Variants in MAP4K3 observed in about 807,000 individuals in gnomAD.
The protein encoded by MAP4K3 is mitogen-activated protein kinase kinase kinase kinase 3.
Under a neutral mutation model 143.5 loss-of-function variants are expected in MAP4K3, and 94 were observed. That is an observed-to-expected ratio of 0.65 (90% CI 0.55 to 0.78). The LOEUF (loss-of-function observed/expected upper bound fraction) is 0.78. MAP4K3 is among the 30% of genes least tolerant of loss of function. The pLI is 0.00. For missense variants in MAP4K3, 1,077 were observed against 1,068.1 expected, an observed-to-expected ratio of 1.01 and a Z score of -0.12; for synonymous variants, 416 against 347.2, an observed-to-expected ratio of 1.20 and a Z score of -2.20.
intron 1 of MAP4K3, among the ~76,000 whole-genome samples, chr2:39,408,417 C>T (rs1667152099): frequency 6.6e-6 from 1 of 152,038 alleles, no homozygotes; most frequent in East Asian, 1.9e-4. Context: ...AGGGAAGGGA[C>T]TGTCAATTCA....
At chr2:39,422,395 CAG>C (rs1480375485) in intron 1 of MAP4K3, among the ~76,000 whole-genome samples, 9 of 152,058 alleles carry the variant, frequency 5.9e-5, no homozygotes, top group Non-Finnish European at 1.2e-4. Context: ...TGTTTGGAAA[CAG>C]AGGAAAGACC....
At chr2:39,288,452 T>C (rs918928253) in intron 19 of MAP4K3, among the ~76,000 whole-genome samples, 172 bp from the exon 20 acceptor site, 3 of 152,186 alleles carry the variant, frequency 2.0e-5, no homozygotes, top group African/African-American at 7.2e-5. Context: ...TTGTTTTAAA[T>C]ATATTCTAAA....
intron 8 of MAP4K3, among the ~76,000 whole-genome samples, chr2:39,327,891 T>C (rs926852871): frequency 6.6e-6 from 1 of 152,200 alleles, no homozygotes; most frequent in African/African-American, 2.4e-5. Flanking sequence ...TCTATGTAAA[T>C]ACAAGGGAAA....
At chr2:39,421,348 C>T (rs1206473588) in intron 1 of MAP4K3, among the ~76,000 whole-genome samples, 1 of 148,668 alleles carries the variant, frequency 6.7e-6, no homozygotes, top group Non-Finnish European at 1.5e-5. Flanking sequence ...TTACTACTTA[C>T]TAGATTTATT....
In MAP4K3 at chr2:39,250,029, T is replaced by G. The variant is rs6544214; in HGVS notation, c.*589A>C. On this transcript the variant is annotated 3_prime_UTR_variant, in exon 34 of 34. Coordinates refer to ENST00000263881, the MANE Select transcript of MAP4K3 (RefSeq NM_003618.4). ...ACTTAATACATCACATATCAATACT[T>G]TGTGCAAATATAAACACCAGTGTAC... is the stretch of plus-strand genomic sequence containing the variant. 2 of 152,316 alleles carry G rather than the reference T, an allele frequency of 1.3e-5. No individual in the cohort carries two copies. The highest frequency in any genetic ancestry group is 2.4e-5 in the African/African-American group (1 of 41,380). 9.4% of individuals were successfully genotyped at this position (152,316 alleles called of 1,614,324 possible). A position where few individuals can be genotyped will look rare whatever the true frequency, so the allele number is the denominator to read the frequency against.
rs191406333 is a variant in MAP4K3, at chr2:39,382,608, C to T, written c.97-4485G>A. On this transcript the variant is annotated intron_variant, in intron 1 of 33. Transcript: ENST00000263881. ...TAATTTCATTCTAAATCAACAGATT[C>T]CAAATACTGAACCAGCTAGTTGGTT... is the stretch of plus-strand genomic sequence containing the variant. Among the ~76,000 whole-genome samples, 37 of 152,280 alleles carry T rather than the reference C, an allele frequency of 2.4e-4. 1 individual carries two copies. The highest frequency in any genetic ancestry group is 2.9e-5 in the Non-Finnish European group (2 of 68,014).
intron 4 of MAP4K3, among the ~76,000 whole-genome samples, 182 bp from the exon 5 acceptor site, chr2:39,337,763 T>TG (rs1169015044): frequency 3.7e-5 from 5 of 133,812 alleles, no homozygotes; most frequent in South Asian, 5.4e-4. Flanking sequence ...TTTTTTTTTT[T>TG]TTTTTTTTTT....
chr2:39,376,303 G>C (rs1666216668), intron 2 of MAP4K3, among the ~76,000 whole-genome samples: 1 of 152,166 alleles, frequency 6.6e-6, no homozygotes, highest in Non-Finnish European at 1.5e-5. Flanking sequence ...GAAATGGGTA[G>C]CTGTAATAGA....
chr2:39,307,958 A>C lies in MAP4K3; in HGVS notation c.1104T>G (p.Thr368=), dbSNP rs184011731. 74 of 1,583,020 alleles carry C rather than the reference A, an allele frequency of 4.7e-5. No individual in the cohort carries two copies. In the East Asian group the frequency reaches 1.5e-3, roughly 32 times the overall value. Residue 368 remains threonine (T), a synonymous_variant, in exon 15 of 34, where the codon ACT becomes ACG. Transcript: ENST00000263881. ...TGAGAAATACCAGATTAGATCTTGCAGTGTAGTATATTTCTTCTGAACTGT... is the reference window on the plus strand; with the variant it reads ...TGAGAAATACCAGATTAGATCTTGCCGTGTAGTATATTTCTTCTGAACTGT... ...FLDSSEEIYY[T]ARSNLDLQLE...
chr2:39,293,268 C>T lies in MAP4K3; in HGVS notation c.1179G>A (p.Lys393=). ...HQGGYFLGAN[K]SLLKSVEEEL... ...CTTCTTCAACAGACTTGAGAAGACT[C>T]CTTAAAAGAAAAAACAAAAACAAAA... The change falls in exon 17 of 34, where the codon AAG becomes AAA. Residue 393 remains lysine, a splice_region_variant and synonymous_variant. Coordinates refer to ENST00000263881, the MANE Select transcript of MAP4K3 (RefSeq NM_003618.4). The T allele has an allele frequency of 6.5e-7, 1 of 1,529,240 alleles. No homozygotes were observed. Among genetic ancestry groups the T allele is most frequent in the Non-Finnish European group, 8.8e-7 (1 of 1,132,884 alleles). The allele number at this position is 1,529,240 out of a possible 1,614,324, so 94.7% of individuals were successfully genotyped here. A position where few individuals can be genotyped will look rare whatever the true frequency, so the allele number is the denominator to read the frequency against.
chr2:39,281,418 C>A (rs546701773), intron 22 of MAP4K3, among the ~76,000 whole-genome samples: 2 of 152,312 alleles, frequency 1.3e-5, no homozygotes, highest in South Asian at 4.1e-4. Context: ...GCAATACCAT[C>A]AAGTAGTAGC....
chr2:39,294,547 T>C (rs1320902169), intron 16 of MAP4K3, among the ~76,000 whole-genome samples: 1 of 152,220 alleles, frequency 6.6e-6, no homozygotes, highest in African/African-American at 2.4e-5. Context: ...AGACAGGCTT[T>C]AAAGCCAAGA....
chr2:39,283,686 G>C (rs565818429), intron 21 of MAP4K3: 3 of 152,140 alleles, frequency 2.0e-5, no homozygotes, highest in Admixed American at 2.0e-4. Flanking sequence ...GAGAAGAAAT[G>C]TAACACATTT....
chr2:39,395,328 TACACACACAC>T (rs10549757), intron 1 of MAP4K3, among the ~76,000 whole-genome samples: 19 of 149,800 alleles, frequency 1.3e-4, no homozygotes, highest in South Asian at 4.3e-4. Context: ...CACGTACACA[TACACACACAC>T]ACACACACAC....
chr2:39,256,209 G>C (rs151071573), intron 31 of MAP4K3, among the ~76,000 whole-genome samples: 311 of 152,160 alleles, frequency 2.0e-3, no homozygotes, highest in Non-Finnish European at 3.6e-3. Context: ...TATTAATAGG[G>C]TTTTATATTC....
chr2:39,334,378 C>T (rs1683790465), intron 6 of MAP4K3, among the ~76,000 whole-genome samples: 1 of 151,930 alleles, frequency 6.6e-6, no homozygotes, highest in South Asian at 2.1e-4. Context: ...TACTGGGAAC[C>T]CTCCTACTCT....
intron 24 of MAP4K3, among the ~76,000 whole-genome samples, chr2:39,276,555 G>A (rs962060013): frequency 2.6e-5 from 4 of 152,214 alleles, no homozygotes; most frequent in African/African-American, 9.6e-5. Flanking sequence ...TAGCTATGGA[G>A]TCTTTGGCAA....
intron 16 of MAP4K3, among the ~76,000 whole-genome samples, chr2:39,299,253 T>C (rs148014201): frequency 6.6e-6 from 1 of 152,256 alleles, no homozygotes; most frequent in East Asian, 1.9e-4. Flanking sequence ...TAAATAACTG[T>C]TGAATTTATT....
intron 1 of MAP4K3, among the ~76,000 whole-genome samples, chr2:39,424,887 G>C (rs1263479076): frequency 7.3e-6 from 1 of 137,590 alleles, no homozygotes; most frequent in Non-Finnish European, 1.6e-5. Flanking sequence ...TAACAACAAA[G>C]TCTGTGTTTG....
Sources: allele counts gnomAD v4.1 joint callset (sites outside exome capture counted in the v4.1 genomes callset), GRCh38; gene constraint gnomAD v4.1.1; transcripts MANE v1.5; gene names NCBI Gene and HGNC (gene_info 2026-07-23, HGNC 2026-07-21).